ACSM6: variants seen among roughly 807,000 people sequenced by gnomAD.
ACSM6 encodes the protein acyl-coenzyme A synthetase ACSM6, mitochondrial.
Under a neutral mutation model 51.1 loss-of-function variants are expected in ACSM6, and 35 were observed. The observed-to-expected ratio is 0.69, with a 90% CI of 0.52 to 0.91. The LOEUF is 0.91. Ranked by LOEUF, ACSM6 falls within the 40% of genes least tolerant of loss-of-function variation. ACSM6 has a pLI of 0.00. For missense variants in ACSM6, 509 were observed against 584.1 expected, an observed-to-expected ratio of 0.87 and a Z score of 1.32; for synonymous variants, 172 against 207.3, an observed-to-expected ratio of 0.83 and a Z score of 1.46.
In ACSM6 at chr10:95,207,431, A is replaced by C; in HGVS notation, c.611+16A>C. The C allele has an allele frequency of 6.2e-7, 1 of 1,605,922 alleles. No individual in the cohort carries two copies. The highest frequency in any genetic ancestry group is 8.5e-7 in the Non-Finnish European group (1 of 1,172,542). On this transcript the variant is annotated intron_variant, in intron 4 of 10. Transcript: ENST00000341686. The stretch of plus-strand genomic sequence containing the variant: ...AGTTGATTCAGTAAGTGGACACTGA[A>C]TATGAGATGCTTAAATGAAGGAAAT...
In ACSM6 at chr10:95,210,543, T is replaced by C; in HGVS notation, c.612-107T>C. The stretch of plus-strand genomic sequence containing the variant: ...CAAATAATCCTCAAATATATCAAGA[T>C]ACCAGCTGTTATTTTTTAAAATCAG... On this transcript the variant is annotated intron_variant, in intron 4 of 10. Coordinates refer to ENST00000341686, the Ensembl canonical transcript of ACSM6. 5 of 1,176,716 alleles carry C rather than the reference T, an allele frequency of 4.2e-6. No individual in the cohort carries two copies. The South Asian group carries it at 9.2e-5, about 22-fold the overall frequency. The allele number at this position is 1,176,716 out of a possible 1,614,324, so 72.9% of individuals were successfully genotyped here. A position where few individuals can be genotyped will look rare whatever the true frequency, so the allele number is the denominator to read the frequency against.
exon 4 of ACSM6, chr10:95,207,272 G>A: frequency 2.5e-6 from 4 of 1,614,142 alleles, no homozygotes; most frequent in Non-Finnish European, 3.4e-6. Context: ...AATTACGCAT[G>A]TCTAAGGCCC....
At chr10:95,206,837 C>T (rs1194080879) in intron 3 of ACSM6, among the ~76,000 whole-genome samples, 5 of 152,128 alleles carry the variant, frequency 3.3e-5, no homozygotes, top group African/African-American at 1.2e-4. Context: ...AAATCCACAG[C>T]AAAAGCCATT....
chr10:95,204,978 T>C (rs537879515), intron 3 of ACSM6, among the ~76,000 whole-genome samples: 34 of 152,302 alleles, frequency 2.2e-4, no homozygotes, highest in South Asian at 1.0e-3. Flanking sequence ...GTCTGTGTGA[T>C]TACATCTGAT....
intron 8 of ACSM6, 132 bp from the exon 9 acceptor site, chr10:95,219,758 TA>T (rs2034977255): frequency 3.2e-6 from 2 of 624,386 alleles, no homozygotes; most frequent in Non-Finnish European, 2.7e-6. Flanking sequence ...GATTTTTTTT[TA>T]ATCAAGATTA....
At chr10:95,220,113 G>C (rs2034982649) in intron 9 of ACSM6, 142 bp downstream of exon 9, 1 of 657,892 alleles carries the variant, frequency 1.5e-6, no homozygotes, top group African/African-American at 1.8e-5. Context: ...TCACATTATT[G>C]CTTTTATTTC....
At chr10:95,220,046 A>T in intron 9 of ACSM6, 75 bp downstream of exon 9, 1 of 1,240,560 alleles carries the variant, frequency 8.1e-7, no homozygotes, top group Non-Finnish European at 1.2e-6. Context: ...AATTTCTGAC[A>T]TAAAGGTAGG....
At chr10:95,213,018 G>T in intron 7 of ACSM6, 78 bp downstream of exon 7, 2 of 1,233,304 alleles carry the variant, frequency 1.6e-6, no homozygotes, top group Admixed American at 1.7e-5. Context: ...TTAATTTGTT[G>T]AAGTAGATCC....
chr10:95,200,615 G>GAGAAGGAGA (rs144423976), intron 2 of ACSM6, among the ~76,000 whole-genome samples: 61,098 of 147,808 alleles, frequency 0.41, 13,164 homozygotes, highest in Middle Eastern at 0.5. Context: ...GAAGGAGAAG[G>GAGAAGGAGA]AGAAGAAGAA....
chr10:95,194,774 C>A, intron 2 of ACSM6, 97 bp downstream of exon 2: 2 of 1,100,378 alleles, frequency 1.8e-6, no homozygotes, highest in Non-Finnish European at 2.6e-6. Context: ...ATGGCTGGCA[C>A]TAGAAAGTGC....
intron 2 of ACSM6, 150 bp downstream of exon 2, chr10:95,194,827 A>T: frequency 1.4e-6 from 1 of 708,074 alleles, no homozygotes; most frequent in South Asian, 2.2e-5. Flanking sequence ...CTAAGAACAT[A>T]GGCTTGACAG....
chr10:95,209,976 T>G (rs998991191), intron 4 of ACSM6, among the ~76,000 whole-genome samples: 1 of 152,220 alleles, frequency 6.6e-6, no homozygotes, highest in African/African-American at 2.4e-5. Context: ...GTGTGAGGAC[T>G]GCATCTTGAA....
At chr10:95,222,173 A>T (rs1442379890) in intron 9 of ACSM6, among the ~76,000 whole-genome samples, 4 of 152,248 alleles carry the variant, frequency 2.6e-5, no homozygotes, top group Non-Finnish European at 5.9e-5. Flanking sequence ...AGATGTGCAG[A>T]AAATTATATT....
chr10:95,225,655 A>G (rs2035030160), intron 10 of ACSM6: 3 of 311,586 alleles, frequency 9.6e-6, no homozygotes, highest in Non-Finnish European at 1.7e-5. Flanking sequence ...GTCCTTAAAT[A>G]TTTCAGCAGC....
chr10:95,207,072 T>G (rs1217883127), intron 3 of ACSM6, 136 bp from the exon 4 acceptor site: 1 of 759,208 alleles, frequency 1.3e-6, no homozygotes, highest in East Asian at 2.7e-5. Context: ...GCCATCGTGT[T>G]ACTGACCCAA....
chr10:95,217,829 T>C (rs1212893116), intron 8 of ACSM6, among the ~76,000 whole-genome samples: 1 of 152,142 alleles, frequency 6.6e-6, no homozygotes, highest in African/African-American at 2.4e-5. Flanking sequence ...CTAAAGAAAA[T>C]TCAGAACACA....
intron 4 of ACSM6, among the ~76,000 whole-genome samples, chr10:95,208,933 T>TAAAAAA (rs34370150): frequency 0.045 from 1,507 of 33,850 alleles, 222 homozygotes; most frequent in Non-Finnish European, 0.066. Flanking sequence ...CAGGGATGTT[T>TAAAAAA]AAAAAAAAAA....
intron 2 of ACSM6, among the ~76,000 whole-genome samples, chr10:95,197,826 T>C (rs1564585546): frequency 6.6e-6 from 1 of 152,248 alleles, no homozygotes; most frequent in Non-Finnish European, 1.5e-5. Flanking sequence ...GAGGCCATAT[T>C]TCAGACTATC....
At chr10:95,202,782 A>C (rs1477654386) in intron 3 of ACSM6, among the ~76,000 whole-genome samples, 1 of 151,520 alleles carries the variant, frequency 6.6e-6, no homozygotes, top group Non-Finnish European at 1.5e-5. Flanking sequence ...ACAAAGCAGA[A>C]AAAAAAAATT....
Sources: gnomAD v4.1 joint callset for allele counts (sites outside exome capture counted in the v4.1 genomes callset) on GRCh38, gnomAD v4.1.1 for gene constraint, MANE v1.5 for transcripts, NCBI Gene and HGNC (gene_info 2026-07-23, HGNC 2026-07-21) for gene names.